Variants in PCDH15 observed in about 807,000 individuals in gnomAD.
PCDH15 encodes protocadherin related 15, also known as protocadherin-15.
In PCDH15, 129 loss-of-function variants were observed where a neutral mutation model predicts 178.5. The observed-to-expected ratio is 0.72, with a 90% CI of 0.63 to 0.84. PCDH15 has a LOEUF of 0.84. Among genes scored for constraint, PCDH15 ranks in the 40% least tolerant of loss-of-function variants. The pLI is 0.00. For synonymous variants in PCDH15, 800 were observed against 732.0 expected (o/e 1.09, Z -1.50); for missense variants, 2,230 against 2,099.9 (o/e 1.06, Z -1.21).
At chr10:53,907,685 G>A (rs2082773982) in intron 25 of PCDH15, among the ~76,000 whole-genome samples, 1 of 151,974 alleles carries the variant, frequency 6.6e-6, no homozygotes, top group Admixed American at 6.6e-5. Context: ...TGACTCCTGA[G>A]GTAAGAAAAT....
chr10:54,908,191 C>T (rs1197175557), intron 2 of PCDH15, among the ~76,000 whole-genome samples: 3 of 152,136 alleles, frequency 2.0e-5, no homozygotes, highest in Non-Finnish European at 4.4e-5. Flanking sequence ...CCATGCCTGC[C>T]GAGGGTGAGC....
chr10:55,255,367 G>A (rs535402714), intron 1 of PCDH15, among the ~76,000 whole-genome samples: 1 of 152,286 alleles, frequency 6.6e-6, no homozygotes, highest in Non-Finnish European at 1.5e-5. Context: ...GGACATTTGG[G>A]TTGGTTCCAA....
chr10:55,107,484 C>CTTTTTTTTTTTTT (rs11290952), intron 2 of PCDH15, among the ~76,000 whole-genome samples: 1 of 86,206 alleles, frequency 1.2e-5, no homozygotes, highest in Non-Finnish European at 2.0e-5. Context: ...ATTCTCTTTC[C>CTTTTTTTTTTTTT]TTTTTTTTTT....
intron 3 of PCDH15, among the ~76,000 whole-genome samples, chr10:54,408,357 C>T (rs1220428593): frequency 1.3e-5 from 2 of 151,990 alleles, no homozygotes. Context: ...TCATTACAAA[C>T]TATAAGAATT....
At chr10:55,494,355 T>C (rs1840486579) in intron 2 of PCDH15, among the ~76,000 whole-genome samples, 1 of 151,782 alleles carries the variant, frequency 6.6e-6, no homozygotes, top group African/African-American at 2.4e-5. Flanking sequence ...CTTGTGCATC[T>C]CTGAGTCTAG....
At chr10:54,006,012 T>C (rs928008742) in intron 20 of PCDH15, among the ~76,000 whole-genome samples, 1 of 152,106 alleles carries the variant, frequency 6.6e-6, no homozygotes, top group Admixed American at 6.6e-5. Context: ...TGCAACGACA[T>C]AATCAATGAA....
intron 1 of PCDH15, among the ~76,000 whole-genome samples, chr10:54,700,875 A>C (rs887074196): frequency 7.9e-4 from 120 of 152,188 alleles, no homozygotes; most frequent in African/African-American, 2.8e-3. Context: ...CCTGTGAGAT[A>C]CTATACAAGG....
intron 10 of PCDH15, among the ~76,000 whole-genome samples, chr10:54,208,990 CTT>C (rs1384942719): frequency 6.6e-6 from 1 of 151,784 alleles, no homozygotes; most frequent in Non-Finnish European, 1.5e-5. Flanking sequence ...CTCTCTCTCT[CTT>C]TTGTTTGAAA....
intron 17 of PCDH15, among the ~76,000 whole-genome samples, chr10:54,073,126 T>A (rs761252485): frequency 3.3e-5 from 5 of 151,888 alleles, no homozygotes; most frequent in Non-Finnish European, 5.9e-5. Context: ...AGATTATATA[T>A]GTATGTGTGT....
chr10:54,732,077 C>G lies in PCDH15; in HGVS notation c.-28-67787G>C, dbSNP rs577440896. Among the ~76,000 whole-genome samples the G allele has an allele frequency of 2.2e-4, 33 of 148,250 alleles. 1 individual carries two copies. The South Asian group carries it at 7.0e-3, about 31-fold the overall frequency. On this transcript the variant is annotated intron_variant, in intron 1 of 37. Transcript: ENST00000644397. ...GAAAATATGTACATCTATTATGAAT[C>G]AATGCAAAAATTGGAAAAAAAAATT...
chr10:54,863,461 G>C (rs1953881828), intron 3 of PCDH15, among the ~76,000 whole-genome samples: 1 of 152,144 alleles, frequency 6.6e-6, no homozygotes, highest in Non-Finnish European at 1.5e-5. Flanking sequence ...AGAATGGCGT[G>C]AACCCAGGAG....
intron 3 of PCDH15, among the ~76,000 whole-genome samples, chr10:54,488,321 T>C (rs1008086900): frequency 5.9e-5 from 9 of 151,862 alleles, no homozygotes; most frequent in Non-Finnish European, 8.9e-5. Flanking sequence ...TAAAGTAGAA[T>C]ATTAAAATAT....
chr10:54,536,867 G>A (rs11004355), intron 2 of PCDH15, among the ~76,000 whole-genome samples: 13,096 of 152,138 alleles, frequency 0.086, 859 homozygotes, highest in East Asian at 0.35. Flanking sequence ...TATGGTGCAT[G>A]TGCAGCACGT....
intron 15 of PCDH15, among the ~76,000 whole-genome samples, chr10:54,122,028 CACACAGAGACAG>C (rs1180692464): frequency 6.6e-6 from 1 of 150,394 alleles, no homozygotes; most frequent in African/African-American, 2.5e-5. Context: ...CACACACACA[CACACAGAGACAG>C]ACACACACAC....
chr10:54,740,709 TCATTTGCAGC>T (rs1944683048), intron 1 of PCDH15, among the ~76,000 whole-genome samples: 1 of 152,028 alleles, frequency 6.6e-6, no homozygotes, highest in African/African-American at 2.4e-5. Context: ...TGCTACTCTG[TCATTTGCAGC>T]AACATGGATA....
intron 1 of PCDH15, among the ~76,000 whole-genome samples, chr10:54,746,090 T>C (rs551936861): frequency 3.9e-5 from 6 of 152,164 alleles, no homozygotes; most frequent in Non-Finnish European, 8.8e-5. Context: ...TGCACTCTTA[T>C]GTACAATAGG....
At chr10:54,715,115 A>G (rs1566016365) in intron 1 of PCDH15, among the ~76,000 whole-genome samples, 1 of 152,162 alleles carries the variant, frequency 6.6e-6, no homozygotes, top group Non-Finnish European at 1.5e-5. Flanking sequence ...AATGCAGTAA[A>G]TATATCTGTT....
chr10:54,893,332 TTA>T (rs1294077324), intron 3 of PCDH15, among the ~76,000 whole-genome samples: 10 of 152,176 alleles, frequency 6.6e-5, no homozygotes, highest in African/African-American at 1.9e-4. Flanking sequence ...CCATAAATGT[TTA>T]TGTGATTACC....
intron 2 of PCDH15, among the ~76,000 whole-genome samples, chr10:55,489,213 G>C (rs572312719): frequency 3.1e-4 from 47 of 151,486 alleles, no homozygotes; most frequent in African/African-American, 1.0e-3. Flanking sequence ...AAAAGTCAAT[G>C]CATTACCTAT....
Sources: allele counts gnomAD v4.1 joint callset (sites outside exome capture counted in the v4.1 genomes callset), GRCh38; gene constraint gnomAD v4.1.1; transcripts MANE v1.5; gene names NCBI Gene and HGNC (gene_info 2026-07-23, HGNC 2026-07-21).